Variants in ACSBG1 observed in about 807,000 individuals in gnomAD.
ACSBG1 encodes the protein long-chain-fatty-acid--CoA ligase ACSBG1.
ACSBG1 carries 39 observed loss-of-function variants against 80.2 expected under a neutral mutation model. The observed-to-expected ratio is 0.49, with a 90% CI of 0.38 to 0.64. The LOEUF is 0.64. Ranked by LOEUF, ACSBG1 falls within the 30% of genes least tolerant of loss-of-function variation. ACSBG1 has a pLI of 0.00. For missense variants in ACSBG1, 828 were observed against 966.4 expected (o/e 0.86, Z 1.90); for synonymous variants, 392 against 379.5 (o/e 1.03, Z -0.38).
chr15:78,171,553 G>A (rs2074822506), intron 13 of ACSBG1, 24 bp from the exon 14 acceptor site: 1 of 1,591,452 alleles, frequency 6.3e-7, no homozygotes, highest in Non-Finnish European at 8.6e-7. Flanking sequence ...GAGAAGAAAT[G>A]AGTGAGGCCC....
intron 1 of ACSBG1, among the ~76,000 whole-genome samples, chr15:78,229,294 G>A (rs1186622389): frequency 6.6e-6 from 1 of 152,216 alleles, no homozygotes; most frequent in East Asian, 1.9e-4. Context: ...AAGAAAAACA[G>A]TAAAGAAACA....
At position 78,174,384 on chromosome 15, in the gene ACSBG1, C is replaced by A. The variant is rs781750037; in HGVS notation, c.1842+1G>T. 16 of 1,614,096 alleles carry A rather than the reference C, an allele frequency of 9.9e-6. No individual in the cohort carries two copies. The highest frequency in any genetic ancestry group is 1.4e-5 in the Non-Finnish European group (16 of 1,180,056). ...TCTGAGCTGGAGCCCCCCAGACACA[C>A]CTTCAAGGTGAGCAGCATGGACAGG... On this transcript the variant is annotated splice_donor_variant, in intron 12 of 13. Coordinates refer to ENST00000258873, the MANE Select transcript of ACSBG1 (RefSeq NM_015162.5). LOFTEE classifies it high-confidence loss of function.
intron 2 of ACSBG1, among the ~76,000 whole-genome samples, chr15:78,202,799 T>G (rs1004468387): frequency 1.3e-5 from 2 of 152,142 alleles, no homozygotes; most frequent in African/African-American, 4.8e-5. Flanking sequence ...AATCATACTT[T>G]CTGGAAGTTA....
At chr15:78,219,697 A>G (rs200635407) in intron 1 of ACSBG1, among the ~76,000 whole-genome samples, 1 of 72 alleles carries the variant, frequency 0.014, no homozygotes, top group Non-Finnish European at 0.028. Context: ...AAATTCAAGA[A>G]GACCTGGCCG....
intron 1 of ACSBG1, among the ~76,000 whole-genome samples, chr15:78,223,265 G>A (rs755857014): frequency 4.6e-5 from 7 of 150,786 alleles, no homozygotes; most frequent in Non-Finnish European, 7.4e-5. Flanking sequence ...ATGGACATAG[G>A]GAGGGGCCTG....
At chr15:78,181,932 A>C in intron 8 of ACSBG1, 37 bp downstream of exon 8, 1 of 1,598,270 alleles carries the variant, frequency 6.3e-7, no homozygotes, top group Non-Finnish European at 8.5e-7. Flanking sequence ...GGCCTGGCAC[A>C]CGGGCTCAGA....
intron 2 of ACSBG1, 24 bp from the exon 3 acceptor site, chr15:78,194,750 C>G (rs988280246): frequency 3.7e-6 from 6 of 1,603,694 alleles, no homozygotes; most frequent in Non-Finnish European, 5.1e-6. Context: ...GAGACCACAG[C>G]TTGGATCATG....
chr15:78,191,885 A>C (rs2075060126), intron 5 of ACSBG1, among the ~76,000 whole-genome samples: 1 of 152,160 alleles, frequency 6.6e-6, no homozygotes, highest in Admixed American at 6.5e-5. Flanking sequence ...CTCCCCCTCC[A>C]CAACCCGCCG....
At chr15:78,225,367 C>T (rs2141389302) in intron 1 of ACSBG1, among the ~76,000 whole-genome samples, 1 of 150,462 alleles carries the variant, frequency 6.6e-6, no homozygotes, top group East Asian at 2.0e-4. Context: ...CGGCATTGCA[C>T]TACAACCTGA....
At chr15:78,232,511 CCACAGGCCTGAGA>C (rs1441695299) in intron 1 of ACSBG1, among the ~76,000 whole-genome samples, 1 of 152,162 alleles carries the variant, frequency 6.6e-6, no homozygotes, top group Non-Finnish European at 1.5e-5. Context: ...CCCCTTTTCA[CCACAGGCCTGAGA>C]CACAGGCTCC....
chr15:78,231,169 G>C (rs973142057), intron 1 of ACSBG1, among the ~76,000 whole-genome samples: 1 of 152,092 alleles, frequency 6.6e-6, no homozygotes, highest in African/African-American at 2.4e-5. Flanking sequence ...TGCCCAGGCT[G>C]GAGTGCAATG....
intron 2 of ACSBG1, 79 bp downstream of exon 2, chr15:78,207,923 A>ACCCC: frequency 1.1e-5 from 3 of 284,786 alleles, no homozygotes; most frequent in Non-Finnish European, 7.2e-6. Flanking sequence ...GTGGTCCCCC[A>ACCCC]CACCACCCAC....
Position 78,182,345 on chromosome 15 carries a change from C to T in ACSBG1, c.894+121G>A, listed in dbSNP as rs184158703. 1.1e-4 allele frequency: 161 copies of T among 1,418,708 alleles called. No homozygotes were observed. The African/African-American group carries it at 2.2e-3, about 19-fold the overall frequency. The allele number at this position is 1,418,708 out of a possible 1,614,324, so 87.9% of individuals were successfully genotyped here. A position where few individuals can be genotyped will look rare whatever the true frequency, so the allele number is the denominator to read the frequency against. On this transcript the variant is annotated intron_variant, in intron 7 of 13. Coordinates refer to ENST00000258873, the MANE Select transcript of ACSBG1 (RefSeq NM_015162.5). ...CAGATTGATGGGCTGTTCTACCTAT[C>T]CCAGCTCCTAGAGCAGAGGGGCCCA... is the stretch of plus-strand genomic sequence containing the variant.
intron 5 of ACSBG1, among the ~76,000 whole-genome samples, chr15:78,186,091 T>C (rs1159343121): frequency 6.6e-6 from 1 of 152,218 alleles, no homozygotes; most frequent in African/African-American, 2.4e-5. Flanking sequence ...GGTGCATATA[T>C]GTTTAGGATA....
intron 13 of ACSBG1, chr15:78,171,810 C>T (rs2074826516): frequency 7.7e-6 from 2 of 259,354 alleles, no homozygotes; most frequent in Non-Finnish European, 1.5e-5. Flanking sequence ...TTCTTTTATA[C>T]ACATAGGAAA....
chr15:78,223,751 T>C (rs115036681), intron 1 of ACSBG1, among the ~76,000 whole-genome samples: 1,589 of 152,288 alleles, frequency 0.01, 29 homozygotes, highest in African/African-American at 0.037. Context: ...TTGGAAGAGA[T>C]TTGAAGATAT....
At chr15:78,212,605 T>TG (rs937268580) in intron 1 of ACSBG1, 3 of 455,756 alleles carry the variant, frequency 6.6e-6, no homozygotes, top group East Asian at 7.0e-5. Flanking sequence ...GCATGGTGCC[T>TG]GGGGGGTGGC....
chr15:78,215,748 A>AAGAC (rs757207335), intron 1 of ACSBG1, among the ~76,000 whole-genome samples: 1 of 147,526 alleles, frequency 6.8e-6, no homozygotes, highest in African/African-American at 2.5e-5. Context: ...GAAAGAAAGA[A>AAGAC]AGAAAGAAAG....
At chr15:78,192,882 G>A (rs961434522) in intron 5 of ACSBG1, among the ~76,000 whole-genome samples, 1 of 152,130 alleles carries the variant, frequency 6.6e-6, no homozygotes, top group Non-Finnish European at 1.5e-5. Flanking sequence ...AGGCTGTTGG[G>A]TTCAGCTGGG....
Sources: allele counts gnomAD v4.1 joint callset (sites outside exome capture counted in the v4.1 genomes callset), GRCh38; gene constraint gnomAD v4.1.1; transcripts MANE v1.5; gene names NCBI Gene and HGNC (gene_info 2026-07-23, HGNC 2026-07-21).